The following DLC1 variants were observed in gnomAD, a reference collection of about 807,000 sequenced individuals.
The protein encoded by DLC1 is DLC1 Rho GTPase activating protein, also known as rho GTPase-activating protein 7.
In DLC1, 54 loss-of-function variants were observed where a neutral mutation model predicts 140.3. The observed-to-expected ratio is 0.38, with a 90% confidence interval of 0.31 to 0.48. DLC1 has a LOEUF of 0.48. Among genes scored for constraint, DLC1 ranks in the 20% least tolerant of loss-of-function variants. DLC1 has a pLI of 0.96. For missense variants in DLC1, 2,536 were observed against 1,907.0 expected (o/e 1.33, Z -6.14); for synonymous variants, 986 against 728.1 (o/e 1.35, Z -5.70).
intron 2 of DLC1, 86 bp from the exon 3 acceptor site, chr8:13,401,705 A>G: frequency 6.6e-7 from 1 of 1,507,224 alleles, no homozygotes; most frequent in South Asian, 1.3e-5. Flanking sequence ...ATGTGACAAA[A>G]AGTACACTGG....
chr8:13,339,740 G>C (rs1026897892), intron 4 of DLC1: 1 of 152,110 alleles, frequency 6.6e-6, no homozygotes, highest in African/African-American at 2.4e-5. Flanking sequence ...TACACAAAGA[G>C]ATTGTGATTC....
Position 13,254,212 on chromosome 8 carries a change from A to G in DLC1, c.1348+51057T>C, listed in dbSNP as rs74807974. Among the ~76,000 whole-genome samples, 1,471 of 152,130 alleles carry G rather than the reference A, an allele frequency of 9.7e-3. 31 individuals are homozygous for G. Among genetic ancestry groups the G allele is most frequent in the African/African-American group, 0.034 (1,419 of 41,500 alleles). ...AAAAAAAAGAATAAAGAAAAGAACA[A>G]AAAGCACTTGAAAAGAATAGCAACG... On this transcript the variant is annotated intron_variant, in intron 5 of 17. Transcript: ENST00000276297.
At chr8:13,338,627 A>T (rs1409732732) in intron 4 of DLC1, 3 of 152,152 alleles carry the variant, frequency 2.0e-5, no homozygotes, top group African/African-American at 7.2e-5. Flanking sequence ...TGACTCTGAG[A>T]AGTTCAGTTC....
intron 4 of DLC1, among the ~76,000 whole-genome samples, chr8:13,382,204 C>T (rs1465550568): frequency 1.3e-5 from 2 of 151,930 alleles, no homozygotes; most frequent in African/African-American, 4.8e-5. Flanking sequence ...CTTCTTATTA[C>T]GTATACTGAA....
intron 1 of DLC1, among the ~76,000 whole-genome samples, chr8:13,545,774 A>G (rs966142771): frequency 1.3e-4 from 20 of 152,204 alleles, no homozygotes; most frequent in African/African-American, 4.3e-4. Context: ...CTATTTTCCT[A>G]TCTTTTGTTT....
Position 13,286,344 on chromosome 8 carries a change from G to C in DLC1, c.1348+18925C>G, listed in dbSNP as rs185085458. Among the ~76,000 whole-genome samples, 32 of 152,142 alleles carry C rather than the reference G, an allele frequency of 2.1e-4. No individual in the cohort carries two copies. The East Asian group carries it at 6.0e-3, about 28-fold the overall frequency. ...CACTGGCTTGGAGAATATGTATATC[G>C]AAATGACATACCCAGTGTTGTGTTA... is the stretch of plus-strand genomic sequence containing the variant. On this transcript the variant is annotated intron_variant, in intron 5 of 17. Transcript: ENST00000276297.
At position 13,091,365 on chromosome 8, in the gene DLC1, T is replaced by G. The variant is rs770652171; in HGVS notation, c.3808A>C (p.Thr1270Pro). ...GCGATCATATGGGCCAGCCCTTGAG[T>G]GGCAGCTAGGTTTTCATTCAAATCT... ...QKDLNENLAA[T>P]QGLAHMIAEC... The change falls in exon 14 of 18, where the codon ACT becomes CCT. Residue 1270 changes from threonine to proline, a missense_variant. Physicochemically the swap from Thr to Pro is conservative, Grantham distance 38 (BLOSUM62 -1). Coordinates refer to ENST00000276297, the MANE Select transcript of DLC1 (RefSeq NM_182643.3). 3 of 1,614,056 alleles carry G rather than the reference T, an allele frequency of 1.9e-6. No homozygotes were observed. The highest frequency in any genetic ancestry group is 3.3e-5 in the Admixed American group (2 of 60,004).
chr8:13,546,525 C>T (rs1803653976), intron 1 of DLC1, among the ~76,000 whole-genome samples: 1 of 152,102 alleles, frequency 6.6e-6, no homozygotes, highest in African/African-American at 2.4e-5. Flanking sequence ...CTTGAAGTCA[C>T]CTTCCAGATG....
At chr8:13,154,064 C>T (rs753592852) in intron 5 of DLC1, among the ~76,000 whole-genome samples, 3 of 151,524 alleles carry the variant, frequency 2.0e-5, no homozygotes, top group Non-Finnish European at 4.4e-5. Flanking sequence ...CTGATTGGTG[C>T]ATTTACAAAC....
chr8:13,271,240 C>T (rs1437180518), intron 5 of DLC1, among the ~76,000 whole-genome samples: 1 of 152,164 alleles, frequency 6.6e-6, no homozygotes, highest in Non-Finnish European at 1.5e-5. Context: ...TGTTTGTTTA[C>T]TAGAGGAGGC....
chr8:13,248,925 T>G (rs996878009), intron 5 of DLC1, among the ~76,000 whole-genome samples: 4 of 152,108 alleles, frequency 2.6e-5, no homozygotes. Context: ...CAGATAGAAA[T>G]CATTACCAAT....
intron 4 of DLC1, among the ~76,000 whole-genome samples, chr8:13,390,255 C>G (rs79432112): frequency 0.011 from 1,683 of 152,134 alleles, 52 homozygotes; most frequent in African/African-American, 0.038. Context: ...CCCCTCAAAA[C>G]AAAAGTGTAG....
intron 5 of DLC1, among the ~76,000 whole-genome samples, chr8:13,236,677 GGT>G (rs1437157343): frequency 1.3e-5 from 2 of 151,912 alleles, no homozygotes; most frequent in Non-Finnish European, 2.9e-5. Context: ...CTTTGGAGAT[GGT>G]CCAAAAAAAT....
At chr8:13,526,186 A>G (rs1302193400) in intron 1 of DLC1, among the ~76,000 whole-genome samples, 1 of 152,146 alleles carries the variant, frequency 6.6e-6, no homozygotes, top group Non-Finnish European at 1.5e-5. Flanking sequence ...TTTCTATCGC[A>G]TACAATACCA....
chr8:13,174,961 A>G (rs1825679504), intron 5 of DLC1, among the ~76,000 whole-genome samples: 1 of 152,120 alleles, frequency 6.6e-6, no homozygotes, highest in Admixed American at 6.5e-5. Flanking sequence ...TCAGAATGGT[A>G]TTTCCTAGGT....
At chr8:13,148,236 A>G (rs1033625081) in intron 5 of DLC1, among the ~76,000 whole-genome samples, 1 of 152,098 alleles carries the variant, frequency 6.6e-6, no homozygotes, top group South Asian at 2.1e-4. Flanking sequence ...TCACCCAGGA[A>G]TTAAGTCCAG....
intron 5 of DLC1, among the ~76,000 whole-genome samples, chr8:13,187,681 T>C (rs966555409): frequency 1.1e-4 from 16 of 152,200 alleles, no homozygotes; most frequent in Non-Finnish European, 2.9e-5. Context: ...TGGGGATATC[T>C]GGACTCAGGA....
intron 12 of DLC1, 63 bp from the exon 13 acceptor site, chr8:13,092,888 G>T: frequency 6.5e-7 from 1 of 1,536,666 alleles, no homozygotes. Context: ...GCAAGGAAAT[G>T]TCCCAGAGCA....
chr8:13,292,322 G>T (rs1020952979), intron 5 of DLC1, among the ~76,000 whole-genome samples: 1 of 152,166 alleles, frequency 6.6e-6, no homozygotes, highest in Non-Finnish European at 1.5e-5. Flanking sequence ...ATATTCTATT[G>T]TCATGGACCA....
Sources: allele counts gnomAD v4.1 joint callset (sites outside exome capture counted in the v4.1 genomes callset), GRCh38; gene constraint gnomAD v4.1.1; transcripts MANE v1.5; gene names NCBI Gene and HGNC (gene_info 2026-07-23, HGNC 2026-07-21).